The following SUCO variants were observed in gnomAD, a reference collection of about 807,000 sequenced individuals.
The protein encoded by SUCO is SUN domain-containing ossification factor.
In SUCO, 57 loss-of-function variants were observed where a neutral mutation model predicts 148.1. The observed-to-expected ratio is 0.38, with a 90% CI of 0.31 to 0.48. SUCO has a LOEUF of 0.48. Among genes scored for constraint, SUCO ranks in the 20% least tolerant of loss-of-function variants. The probability of loss-of-function intolerance (pLI) is 0.96; values close to 1 mark genes in which losing one functional copy is unlikely to be tolerated. For missense variants in SUCO, 1,331 were observed against 1,468.2 expected, an observed-to-expected ratio of 0.91 and a Z score of 1.53; for synonymous variants, 470 against 502.7, an observed-to-expected ratio of 0.93 and a Z score of 0.87.
intron 9 of SUCO, 129 bp from the exon 10 acceptor site, chr1:172,573,762 T>C: frequency 1.7e-6 from 1 of 575,884 alleles, no homozygotes; most frequent in Non-Finnish European, 3.0e-6. Context: ...TAAGGCTACA[T>C]ACCCTCCTCT....
intron 22 of SUCO, chr1:172,608,078 T>C (rs1045661301): frequency 2.0e-5 from 20 of 984,844 alleles, no homozygotes; most frequent in Non-Finnish European, 2.3e-5. Context: ...ATCTTGAAGC[T>C]GCTTAGAGTA....
At position 172,602,148 on chromosome 1, in the gene SUCO, A is replaced by C; in HGVS notation, c.3103A>C (p.Asn1035His). 6.2e-7 allele frequency: 1 copy of C among 1,613,832 alleles called. No individual in the cohort carries two copies. The highest frequency in any genetic ancestry group is 8.5e-7 in the Non-Finnish European group (1 of 1,179,862). Residue 1035 changes from asparagine to histidine, a missense_variant, in exon 21 of 24, where the codon AAT (asparagine) becomes CAT (histidine). This residue lies in a region of SUCO where 334 missense variants were observed against 352.3 expected (regional missense o/e 0.95). Coordinates refer to ENST00000263688, the MANE Select transcript of SUCO (RefSeq NM_014283.5). Reference protein sequence around the residue: ...GLMLCMQRCRNTSQFDGDYIS... With the variant: ...GLMLCMQRCRHTSQFDGDYIS... ...GATGCTTTGTATGCAGCGTTGTCGAAATACTTCTCAATTTGATGGAGATTA... is the reference window on the plus strand; with the variant it reads ...GATGCTTTGTATGCAGCGTTGTCGACATACTTCTCAATTTGATGGAGATTA...
At position 172,571,320 on chromosome 1, in the gene SUCO, C is replaced by T. The variant is rs374565118; in HGVS notation, c.1049+590C>T. On this transcript the variant is annotated intron_variant, in intron 9 of 23. Transcript: ENST00000263688. ...GAGTGATCCGCCAGCCTCGGCCTCC[C>T]GAGGTGCCGGGATTGCAGACGGAGT... 1.2e-4 allele frequency among the ~76,000 whole-genome samples: 18 copies of T among 152,308 alleles called. No individual in the cohort carries two copies. In the South Asian group the frequency reaches 1.5e-3, roughly 12 times the overall value.
intron 17 of SUCO, among the ~76,000 whole-genome samples, chr1:172,586,906 T>C (rs1357041266): frequency 6.6e-6 from 1 of 152,146 alleles, no homozygotes; most frequent in African/African-American, 2.4e-5. Flanking sequence ...GTATGTGTTA[T>C]TGATTCTGAA....
At chr1:172,573,450 A>G (rs1377810734) in intron 9 of SUCO, among the ~76,000 whole-genome samples, 2 of 152,142 alleles carry the variant, frequency 1.3e-5, no homozygotes, top group Non-Finnish European at 1.5e-5. Flanking sequence ...AGCAAAATAT[A>G]TATACAAAGG....
intron 22 of SUCO, among the ~76,000 whole-genome samples, chr1:172,604,511 T>A (rs1388021380): frequency 6.6e-6 from 1 of 151,936 alleles, no homozygotes; most frequent in Non-Finnish European, 1.5e-5. Context: ...AGAGACCATG[T>A]CTTTTTCTTA....
At chr1:172,546,299 C>T (rs1434844303) in intron 1 of SUCO, among the ~76,000 whole-genome samples, 2 of 152,120 alleles carry the variant, frequency 1.3e-5, no homozygotes, top group Non-Finnish European at 2.9e-5. Flanking sequence ...TTGGATTTTT[C>T]CATATTGCTA....
At chr1:172,577,947 AC>A in intron 13 of SUCO, 128 bp downstream of exon 13, 1 of 662,282 alleles carries the variant, frequency 1.5e-6, no homozygotes, top group South Asian at 2.7e-5. Context: ...AAACTGTGAA[AC>A]CTTTCTTTTG....
At chr1:172,562,161 C>A (rs1654203897) in intron 6 of SUCO, among the ~76,000 whole-genome samples, 1 of 152,112 alleles carries the variant, frequency 6.6e-6, no homozygotes, top group African/African-American at 2.4e-5. Context: ...AGCCTCAGGT[C>A]ACAACAGCAG....
chr1:172,558,168 G>T, intron 6 of SUCO, among the ~76,000 whole-genome samples: 1 of 152,142 alleles, frequency 6.6e-6, no homozygotes, highest in East Asian at 1.9e-4. Flanking sequence ...AATAATACAA[G>T]ATTAAATTTA....
intron 14 of SUCO, 138 bp downstream of exon 14, chr1:172,578,527 A>G (rs1416574395): frequency 7.3e-7 from 1 of 1,373,082 alleles, no homozygotes; most frequent in Non-Finnish European, 9.4e-7. Context: ...TTTAACTCTA[A>G]TCAACTTTTA....
At chr1:172,584,209 A>AT (rs1415531908) in intron 15 of SUCO, 10 of 158,904 alleles carry the variant, frequency 6.3e-5, no homozygotes, top group Non-Finnish European at 2.7e-5. Context: ...ATCATTGAAA[A>AT]TGTTTTCTGC....
intron 12 of SUCO, 102 bp downstream of exon 12, chr1:172,577,661 A>G (rs1463465651): frequency 6.3e-6 from 10 of 1,577,122 alleles, no homozygotes; most frequent in Non-Finnish European, 6.9e-6. Context: ...TAAGGACTTT[A>G]TAGAAATGTT....
At chr1:172,565,301 C>G (rs184992640) in intron 6 of SUCO, among the ~76,000 whole-genome samples, 74 of 152,284 alleles carry the variant, frequency 4.9e-4, no homozygotes, top group African/African-American at 1.7e-3. Context: ...ACTCCCAATT[C>G]CTTTGACCAA....
At chr1:172,576,899 G>A (rs1655485934) in intron 11 of SUCO, 1 of 786,804 alleles carries the variant, frequency 1.3e-6, no homozygotes, top group Admixed American at 6.3e-5. Context: ...TTACCTGGAT[G>A]TTCCTTATCT....
At chr1:172,533,065 C>T (rs551157651), upstream of SUCO, 8 of 1,428,854 alleles carry the variant, frequency 5.6e-6, no homozygotes, top group African/African-American at 8.7e-5. Context: ...GCGGCCCCGC[C>T]GGCGATTGGC....
intron 19 of SUCO, among the ~76,000 whole-genome samples, chr1:172,593,743 T>C (rs1571275222): frequency 6.6e-6 from 1 of 152,296 alleles, no homozygotes; most frequent in East Asian, 1.9e-4. Flanking sequence ...TCTCTTGTTT[T>C]GTTGTGTCTC....
chr1:172,532,446 G>A (rs1344468840), upstream of SUCO: 5 of 1,568,420 alleles, frequency 3.2e-6, no homozygotes, highest in East Asian at 2.2e-5. Flanking sequence ...AAGAAAAAGC[G>A]AAAGGTTTTC....
At chr1:172,532,793 C>T, upstream of SUCO, 1 of 1,608,486 alleles carries the variant, frequency 6.2e-7, no homozygotes, top group Non-Finnish European at 8.5e-7. Context: ...GCGCGAGGGA[C>T]GAAGGGCGGT....
Sources: gnomAD v4.1 joint callset for allele counts (sites outside exome capture counted in the v4.1 genomes callset) on GRCh38, gnomAD v4.1.1 for gene constraint, gnomAD v4.1.1 regional missense constraint, MANE v1.5 for transcripts, NCBI Gene and HGNC (gene_info 2026-07-23, HGNC 2026-07-21) for gene names.